Variants in HMCN1 observed in about 807,000 individuals in gnomAD.
HMCN1 encodes hemicentin 1.
HMCN1 carries 321 observed loss-of-function variants against 625.9 expected under a neutral mutation model. The ratio of observed to expected loss-of-function variants is 0.51; its 90% confidence interval spans 0.47 to 0.56. HMCN1 has a LOEUF of 0.56. HMCN1 is among the 20% of genes least tolerant of loss of function. HMCN1 has a pLI of 0.00. For synonymous variants in HMCN1, 2,425 were observed against 2,417.6 expected, an observed-to-expected ratio of 1.00 and a Z score of -0.09; for missense variants, 6,588 against 6,887.3, an observed-to-expected ratio of 0.96 and a Z score of 1.54.
rs534683905 is a variant in HMCN1 at position 185,860,114 on chromosome 1, C to T, written c.340-4356C>T. ...AATAAGCTTATTTTTCTTTTCAGGA[C>T]CTTCTATCCACAATGAGATAAACAC... On this transcript the variant is annotated intron_variant, in intron 2 of 106. Coordinates refer to ENST00000271588, the MANE Select transcript of HMCN1 (RefSeq NM_031935.3). 3.3e-5 allele frequency among the ~76,000 whole-genome samples: 5 copies of T among 152,086 alleles called. No individual in the cohort carries two copies. The East Asian group carries it at 9.7e-4, about 29-fold the overall frequency.
At chr1:186,094,530 C>T (rs1386461759) in intron 67 of HMCN1, among the ~76,000 whole-genome samples, 157 bp downstream of exon 67, 1 of 152,060 alleles carries the variant, frequency 6.6e-6, no homozygotes, top group Non-Finnish European at 1.5e-5. Context: ...GTATTTTCTT[C>T]CAAGGGGTCC....
At chr1:186,116,388 A>G (rs2102478236) in intron 75 of HMCN1, among the ~76,000 whole-genome samples, 1 of 150,354 alleles carries the variant, frequency 6.7e-6, no homozygotes, top group East Asian at 2.0e-4. Flanking sequence ...TTTTGAATAT[A>G]TATACACACA....
chr1:186,077,680 A>G (rs1658913039), intron 54 of HMCN1, among the ~76,000 whole-genome samples: 1 of 152,192 alleles, frequency 6.6e-6, no homozygotes, highest in Admixed American at 6.6e-5. Flanking sequence ...CTATCCTCAT[A>G]AGAATGTATG....
intron 29 of HMCN1, among the ~76,000 whole-genome samples, chr1:186,005,344 ATAAATGTTTATAAACAATTTTTT>A (rs1653523320): frequency 6.8e-6 from 1 of 147,270 alleles, no homozygotes; most frequent in African/African-American, 2.6e-5. Context: ...TTAATTGTTT[ATAAATGTTTATAAACAATTTTTT>A]AATTGTTTAT....
intron 4 of HMCN1, among the ~76,000 whole-genome samples, chr1:185,880,131 G>A (rs1177831625): frequency 6.6e-6 from 1 of 152,092 alleles, no homozygotes; most frequent in Non-Finnish European, 1.5e-5. Flanking sequence ...GACTAGCCTA[G>A]ATGAGGGATA....
In HMCN1 at chr1:185,874,317, G is replaced by C. The variant is rs750562772; in HGVS notation, c.621+8454G>C. ...CATTTGGTTCAACCTAAAAATATTC[G>C]TCAAGGACCATATAGTTTTGGCTTC... On this transcript the variant is annotated intron_variant, in intron 4 of 106. Transcript: ENST00000271588. 2.0e-5 allele frequency among the ~76,000 whole-genome samples: 3 copies of C among 151,834 alleles called. No homozygotes were observed. In the South Asian group the frequency reaches 6.2e-4, roughly 32 times the overall value.
chr1:186,177,319 A>G (rs867797620), intron 103 of HMCN1: 104 of 150,744 alleles, frequency 6.9e-4, no homozygotes, highest in South Asian at 8.4e-4. Flanking sequence ...AAAAAAAAAA[A>G]AGAGAGAGCA....
rs751449643 is a variant in HMCN1 at position 185,965,906 on chromosome 1, T to C, written c.2203T>C (p.Trp735Arg). The change falls in exon 14 of 107, where the codon TGG (tryptophan) becomes CGG (arginine). Residue 735 changes from tryptophan (W) to arginine (R), a missense_variant. Coordinates refer to ENST00000271588, the MANE Select transcript of HMCN1 (RefSeq NM_031935.3). ...TSGIPPPQVK[W>R]FKGDLELRPS... ...TGGTATTCCTCCACCTCAAGTTAAA[T>C]GGTTCAAAGGTACATTTCTTCAATA... 1 of 1,552,950 alleles carries C rather than the reference T, an allele frequency of 6.4e-7. No individual in the cohort carries two copies. The highest frequency in any genetic ancestry group is 8.9e-7 in the Non-Finnish European group (1 of 1,124,224).
At position 186,189,796 on chromosome 1, in the gene HMCN1, C is replaced by T. The variant is rs1653604620; in HGVS notation, c.16826C>T (p.Ala5609Val). The change falls in exon 107 of 107, where the codon GCC becomes GTC. Residue 5609 changes from alanine to valine, a missense_variant. Ala to Val is a moderately conservative substitution (Grantham distance 64). This residue lies in a region of HMCN1 where 1,954 missense variants were observed against 2,013.1 expected (regional missense o/e 0.97). Transcript: ENST00000271588. The stretch of plus-strand genomic sequence containing the variant: ...GAGACCTACCGCATGAGGGTCCGAG[C>T]CTCATCCTACAGTGCCAATGGGACC... Reference protein sequence around the residue: ...EAETYRMRVRASSYSANGTIE... With the variant: ...EAETYRMRVRVSSYSANGTIE... The T allele has an allele frequency of 1.9e-6, 3 of 1,613,596 alleles. No individual in the cohort carries two copies. The highest frequency in any genetic ancestry group is 3.3e-5 in the Admixed American group (2 of 59,976).
intron 69 of HMCN1, among the ~76,000 whole-genome samples, chr1:186,105,199 CT>C (rs1176620771): frequency 6.6e-6 from 1 of 152,088 alleles, no homozygotes; most frequent in Non-Finnish European, 1.5e-5. Context: ...AGAAAAATGA[CT>C]GTATACATAA....
intron 104 of HMCN1, among the ~76,000 whole-genome samples, chr1:186,180,601 TATAA>T (rs1338156170): frequency 2.6e-5 from 4 of 152,214 alleles, no homozygotes; most frequent in Non-Finnish European, 5.9e-5. Flanking sequence ...AGTAGAGTCT[TATAA>T]ATGTTTTCTG....
chr1:185,937,074 C>T (rs16824765), intron 11 of HMCN1, among the ~76,000 whole-genome samples: 31,131 of 152,106 alleles, frequency 0.2, 3,743 homozygotes, highest in East Asian at 0.4. Context: ...CAAAACAAGG[C>T]GGTCAGGGAA....
intron 30 of HMCN1, among the ~76,000 whole-genome samples, chr1:186,014,346 T>C (rs539139914): frequency 6.6e-6 from 1 of 151,606 alleles, no homozygotes; most frequent in South Asian, 2.1e-4. Context: ...TATTATACTT[T>C]AAGTTCTAGG....
intron 1 of HMCN1, among the ~76,000 whole-genome samples, chr1:185,783,240 C>T (rs994825916): frequency 3.9e-5 from 6 of 152,160 alleles, no homozygotes; most frequent in Admixed American, 3.9e-4. Flanking sequence ...TCTAGTTACC[C>T]ATTCATCTAA....
intron 36 of HMCN1, among the ~76,000 whole-genome samples, chr1:186,033,951 T>C (rs1268363846): frequency 6.6e-6 from 1 of 152,204 alleles, no homozygotes; most frequent in East Asian, 1.9e-4. Flanking sequence ...AATACTGGCA[T>C]CCTGCCAAAT....
In HMCN1 at chr1:185,950,915, G is replaced by C. The variant is rs374660245; in HGVS notation, c.1829-11603G>C. Reference sequence around the variant, plus strand: ...GATCCTGAACTAACTTGTAAGGCTTGTCTGGTTTTAGGACAGGTAAAATGG... The same window carrying C: ...GATCCTGAACTAACTTGTAAGGCTTCTCTGGTTTTAGGACAGGTAAAATGG... On this transcript the variant is annotated intron_variant, in intron 11 of 106. Coordinates refer to ENST00000271588, the MANE Select transcript of HMCN1 (RefSeq NM_031935.3). 2.1e-3 allele frequency among the ~76,000 whole-genome samples: 321 copies of C among 150,026 alleles called. 2 individuals carry two copies. The highest frequency in any genetic ancestry group is 7.4e-3 in the African/African-American group (297 of 40,082).
intron 1 of HMCN1, among the ~76,000 whole-genome samples, chr1:185,747,793 C>T (rs747453486): frequency 1.7e-4 from 26 of 152,086 alleles, no homozygotes; most frequent in Non-Finnish European, 3.2e-4. Flanking sequence ...TTCTTCAAAA[C>T]GTTAAACACT....
chr1:185,774,210 G>T (rs914010044), intron 1 of HMCN1, among the ~76,000 whole-genome samples: 1 of 152,124 alleles, frequency 6.6e-6, no homozygotes, highest in African/African-American at 2.4e-5. Context: ...ATCCTAAGCA[G>T]AAGGGGAAAC....
intron 9 of HMCN1, 41 bp downstream of exon 9, chr1:185,925,232 A>T: frequency 1.3e-6 from 2 of 1,561,410 alleles, no homozygotes; most frequent in Non-Finnish European, 1.8e-6. Flanking sequence ...TCAGCATTTA[A>T]CATGTAAATA....
Sources: allele counts gnomAD v4.1 joint callset (sites outside exome capture counted in the v4.1 genomes callset), GRCh38; gene constraint gnomAD v4.1.1; regional missense constraint gnomAD v4.1.1; transcripts MANE v1.5; gene names NCBI Gene and HGNC (gene_info 2026-07-23, HGNC 2026-07-21).